The following MYO7B variants were observed in gnomAD, a reference collection of about 807,000 sequenced individuals.
The protein encoded by MYO7B is unconventional myosin-VIIb.
A neutral mutation model predicts 259.7 loss-of-function variants in MYO7B; 212 were observed. The observed-to-expected ratio is 0.82, with a 90% confidence interval of 0.73 to 0.91. MYO7B has a LOEUF of 0.91. Among genes scored for constraint, MYO7B ranks in the 40% least tolerant of loss-of-function variants. MYO7B has a pLI of 0.00. For synonymous variants in MYO7B, 1,197 were observed against 1,166.4 expected (o/e 1.03, Z -0.54); for missense variants, 2,732 against 2,813.5 (o/e 0.97, Z 0.66).
In MYO7B at chr2:127,628,698, G is replaced by A. The variant is rs959793629; in HGVS notation, c.4624+163G>A. The stretch of plus-strand genomic sequence containing the variant: ...TGGGGGCAGCTTTAGGCAAGGCCCT[G>A]CCTTCTTTCAGCCACTGCTTCCTCT... On this transcript the variant is annotated intron_variant, in intron 34 of 47. Coordinates refer to ENST00000409816, the MANE Select transcript of MYO7B (RefSeq NM_001393586.1). This position sits in a 1 kb window ranked among gnomAD's most constrained non-coding sequence, Gnocchi z 4.8. Among the ~76,000 whole-genome samples, 25 of 152,318 alleles carry A rather than the reference G, an allele frequency of 1.6e-4. No homozygotes were observed. Among genetic ancestry groups the A allele is most frequent in the Non-Finnish European group, 3.2e-4 (22 of 68,028 alleles).
intron 15 of MYO7B, among the ~76,000 whole-genome samples, chr2:127,588,877 T>C (rs190575669): frequency 2.6e-3 from 278 of 109,018 alleles, no homozygotes; most frequent in African/African-American, 9.5e-3. Context: ...GGATGTGTGG[T>C]TGGTTGGTTG....
intron 30 of MYO7B, 96 bp from the exon 31 acceptor site, chr2:127,625,272 T>C: frequency 7.3e-7 from 1 of 1,364,858 alleles, no homozygotes; most frequent in Admixed American, 3.2e-5. Flanking sequence ...TCCCCTGTGA[T>C]GGGGCAAGAG....
chr2:127,578,144 T>G lies in MYO7B; in HGVS notation c.861T>G (p.Thr287=), dbSNP rs1558811736. 6.2e-7 allele frequency: 1 copy of G among 1,613,774 alleles called. No individual in the cohort carries two copies. The highest frequency in any genetic ancestry group is 8.5e-7 in the Non-Finnish European group (1 of 1,179,868). Residue 287 remains threonine (T), a synonymous_variant, in exon 9 of 48, where the codon ACT becomes ACG. Coordinates refer to ENST00000409816, the MANE Select transcript of MYO7B (RefSeq NM_001393586.1). ...EYHYLTMGNC[T]SCEGLNDAKD... ...ACCCTGTCCCTCAGGGGAACTGCAC[T>G]TCCTGTGAGGGGCTCAACGACGCCA...
At chr2:127,631,489 G>A (rs906574311) in intron 37 of MYO7B, 111 bp from the exon 38 acceptor site, 32 of 1,522,414 alleles carry the variant, frequency 2.1e-5, no homozygotes, top group South Asian at 3.8e-5. Context: ...CTGGAGTGGC[G>A]GGACAGAGCC....
Position 127,590,310 on chromosome 2 carries a change from G to C in MYO7B, c.1992+81G>C. 1.3e-6 allele frequency: 2 copies of C among 1,585,676 alleles called. No homozygotes were observed. Among genetic ancestry groups the C allele is most frequent in the Non-Finnish European group, 1.7e-6 (2 of 1,161,044 alleles). Reference sequence around the variant, plus strand: ...CTCTAGGGTTGTGGTCACTCCCTCTGCCAGGGCCTGGCTAGCGTTAGAGCT... The same window carrying C: ...CTCTAGGGTTGTGGTCACTCCCTCTCCCAGGGCCTGGCTAGCGTTAGAGCT... On this transcript the variant is annotated intron_variant, in intron 16 of 47. Coordinates refer to ENST00000409816, the MANE Select transcript of MYO7B (RefSeq NM_001393586.1). The surrounding 1 kb of genome is among the most constrained non-coding windows in gnomAD (Gnocchi z 4.6).
intron 1 of MYO7B, among the ~76,000 whole-genome samples, chr2:127,540,312 C>T (rs976092820): frequency 6.6e-6 from 1 of 152,008 alleles, no homozygotes; most frequent in Admixed American, 6.6e-5. Flanking sequence ...TATAGATGCC[C>T]GCCACCACAC....
At chr2:127,543,003 C>T (rs554926577) in intron 1 of MYO7B, among the ~76,000 whole-genome samples, 31 of 152,342 alleles carry the variant, frequency 2.0e-4, no homozygotes, top group African/African-American at 7.5e-4. Context: ...ATAGAACATA[C>T]AATCGTGTTT....
At chr2:127,556,469 T>C (rs1313637060) in intron 1 of MYO7B, among the ~76,000 whole-genome samples, 1 of 152,196 alleles carries the variant, frequency 6.6e-6, no homozygotes, top group Admixed American at 6.5e-5. Flanking sequence ...AATTGCTTTT[T>C]TGTTTTATAG....
At chr2:127,632,119 C>A in intron 38 of MYO7B, 127 bp from the exon 39 acceptor site, 1 of 1,120,750 alleles carries the variant, frequency 8.9e-7, no homozygotes, top group Non-Finnish European at 1.2e-6. Flanking sequence ...TGCAGCCTGG[C>A]AGGTGCCCTC....
chr2:127,635,852 G>T lies in MYO7B; in HGVS notation c.5951G>T (p.Arg1984Met). 6.3e-7 allele frequency: 1 copy of T among 1,584,076 alleles called. No individual in the cohort carries two copies. Among genetic ancestry groups the T allele is most frequent in the East Asian group, 2.3e-5 (1 of 42,978 alleles). ...CTGGCTAGTGTCCCCAAGATCCTGAGGGAACTGGTGCCTGAGAACCTCACA... is the reference window on the plus strand; with the variant it reads ...CTGGCTAGTGTCCCCAAGATCCTGATGGAACTGGTGCCTGAGAACCTCACA... ...SQLASVPKIL[R>M]ELVPENLTRL... Residue 1984 changes from arginine to methionine, a missense_variant, in exon 44 of 48, where the codon AGG becomes ATG. Physicochemically the swap from Arg to Met is moderately conservative, Grantham distance 91. This residue lies in a region of MYO7B where 821 missense variants were observed against 769.3 expected (regional missense o/e 1.07). Transcript: ENST00000409816.
intron 44 of MYO7B, 25 bp downstream of exon 44, chr2:127,635,932 T>C: frequency 6.4e-7 from 1 of 1,551,984 alleles, no homozygotes. Flanking sequence ...TGGGGAAGGG[T>C]TCTTGTGCTG....
rs1381948802 is a variant in MYO7B at position 127,607,505 on chromosome 2, T to A, written c.2643+81T>A. On this transcript the variant is annotated intron_variant, in intron 21 of 47. Transcript: ENST00000409816. The surrounding 1 kb of genome is among the most constrained non-coding windows in gnomAD (Gnocchi z 4.4). ...GAGGGCAAGAAGGAGTGAGCGGCTG[T>A]GTAGAGAGCTCACCAGAAGCGCTTT... 2 of 1,247,576 alleles carry A rather than the reference T, an allele frequency of 1.6e-6. No individual in the cohort carries two copies. Among genetic ancestry groups the A allele is most frequent in the African/African-American group, 1.5e-5 (1 of 66,510 alleles). 77.3% of individuals were successfully genotyped at this position (1,247,576 alleles called of 1,614,324 possible).
In MYO7B at chr2:127,611,911, T is replaced by A. The variant is rs1203583527; in HGVS notation, c.3193-339T>A. 6.6e-6 allele frequency among the ~76,000 whole-genome samples: 1 copy of A among 152,074 alleles called. No homozygotes were observed. Among genetic ancestry groups the A allele is most frequent in the Non-Finnish European group, 1.5e-5 (1 of 68,000 alleles). On this transcript the variant is annotated intron_variant, in intron 24 of 47. Transcript: ENST00000409816. The surrounding 1 kb of genome is among the most constrained non-coding windows in gnomAD (Gnocchi z 5.4). ...CCTAAGCACCTGGGCTCAGACCCAGTCCCACCTCCCAGGGGTTTACTGGGG... is the reference window on the plus strand; with the variant it reads ...CCTAAGCACCTGGGCTCAGACCCAGACCCACCTCCCAGGGGTTTACTGGGG...
Position 127,584,871 on chromosome 2 carries a change from G to T in MYO7B, c.1648G>T (p.Gly550Cys), listed in dbSNP as rs373903901. Residue 550 changes from glycine (G) to cysteine (C), a missense_variant, in exon 14 of 48, where the codon GGC becomes TGC. Around this residue, in one of 3 missense-constraint regions of MYO7B, gnomAD observed 1,906 missense variants for 2,026.4 expected, o/e 0.94. Coordinates refer to ENST00000409816, the MANE Select transcript of MYO7B (RefSeq NM_001393586.1). The surrounding 1 kb of genome is among the most constrained non-coding windows in gnomAD (Gnocchi z 5.8). ...QPKNIHDARF[G>C]IAHFAGEVYY... ...CAAGAACATCCACGATGCCAGATTT[G>T]GCATTGCCCATTTTGCCGGCGAGGT... The T allele has an allele frequency of 3.5e-5, 56 of 1,613,784 alleles. No individual in the cohort carries two copies. The highest frequency in any genetic ancestry group is 4.3e-5 in the Non-Finnish European group (51 of 1,179,886).
intron 5 of MYO7B, among the ~76,000 whole-genome samples, chr2:127,568,475 T>A (rs1678450438): frequency 6.6e-6 from 1 of 152,238 alleles, no homozygotes; most frequent in African/African-American, 2.4e-5. Context: ...GATGAGCTCG[T>A]GTTTATAAAA....
Position 127,565,333 on chromosome 2 carries a change from A to G in MYO7B, c.233A>G (p.Glu78Gly), listed in dbSNP as rs1404812996. 6.2e-7 allele frequency: 1 copy of G among 1,614,034 alleles called. No homozygotes were observed. The highest frequency in any genetic ancestry group is 2.2e-5 in the East Asian group (1 of 44,876). The change falls in exon 4 of 48, where the codon GAG (glutamate) becomes GGG (glycine). Residue 78 changes from glutamate (E) to glycine (G), a missense_variant. Around this residue, in one of 3 missense-constraint regions of MYO7B, gnomAD observed 1,906 missense variants for 2,026.4 expected, o/e 0.94. Coordinates refer to ENST00000409816, the MANE Select transcript of MYO7B (RefSeq NM_001393586.1). ...DDMIRLGDLN[E>G]AGMVHNLLIR... The stretch of plus-strand genomic sequence containing the variant: ...ATGATCCGCCTGGGGGACCTGAACG[A>G]GGCAGGCATGGTGCACAACCTCCTG...
intron 18 of MYO7B, among the ~76,000 whole-genome samples, chr2:127,593,917 G>T (rs1328304588): frequency 6.6e-6 from 1 of 152,220 alleles, no homozygotes; most frequent in Non-Finnish European, 1.5e-5. Flanking sequence ...AGGCCTGAGG[G>T]TGCAGAGGAG....
rs770415891 is a variant in MYO7B, at chr2:127,620,466, G to A, written c.3525G>A (p.Lys1175=). ...TCCCACCCTCAGAGAGGTTCATGAAGGTGAGAGGGTTCATGAAGGGAGGGC... is the reference window on the plus strand; with the variant it reads ...TCCCACCCTCAGAGAGGTTCATGAAAGTGAGAGGGTTCATGAAGGGAGGGC... ...GCFPPSERFM[K]YLLNFIGQGP... Residue 1175 remains lysine (K), a splice_region_variant and synonymous_variant, in exon 27 of 48, where the codon AAG becomes AAA. Transcript: ENST00000409816. The A allele has an allele frequency of 1.8e-5, 29 of 1,578,128 alleles. No individual in the cohort carries two copies. Among genetic ancestry groups the A allele is most frequent in the Non-Finnish European group, 2.4e-5 (28 of 1,155,332 alleles).
At position 127,636,143 on chromosome 2, in the gene MYO7B, G is replaced by A; in HGVS notation, c.6007-65G>A. 2.2e-6 allele frequency: 3 copies of A among 1,362,786 alleles called. No individual in the cohort carries two copies. The highest frequency in any genetic ancestry group is 3.1e-6 in the Non-Finnish European group (3 of 965,562). 84.4% of individuals were successfully genotyped at this position (1,362,786 alleles called of 1,614,324 possible). On this transcript the variant is annotated intron_variant, in intron 44 of 47. Transcript: ENST00000409816. The surrounding 1 kb of genome is among the most constrained non-coding windows in gnomAD (Gnocchi z 4.5). ...ACTAGCCCTGGGGTAGGCAGGTGCT[G>A]CCCCCACCAGGGCTTTGGAGGGCCT... is the stretch of plus-strand genomic sequence containing the variant.
Sources: gnomAD v4.1 joint callset for allele counts (sites outside exome capture counted in the v4.1 genomes callset) on GRCh38, gnomAD v4.1.1 for gene constraint, gnomAD v4.1.1 regional missense constraint, Gnocchi (gnomAD v3.1) non-coding constraint, MANE v1.5 for transcripts, NCBI Gene and HGNC (gene_info 2026-07-23, HGNC 2026-07-21) for gene names.